Variants in WDR70 observed in about 807,000 individuals in gnomAD.
WDR70 encodes the protein WD repeat domain 70, also known as WD repeat-containing protein 70.
In WDR70, 53 loss-of-function variants were observed where a neutral mutation model predicts 88.6. That is an observed-to-expected ratio of 0.60 (90% CI 0.48 to 0.75). The LOEUF (loss-of-function observed/expected upper bound fraction) is 0.75, where lower values mean the gene tolerates loss of function less well. Ranked by LOEUF, WDR70 falls within the 30% of genes least tolerant of loss-of-function variation. The probability of loss-of-function intolerance (pLI) is 0.00; values close to 1 mark genes in which losing one functional copy is unlikely to be tolerated. For synonymous variants in WDR70, 280 were observed against 270.0 expected, an observed-to-expected ratio of 1.04 and a Z score of -0.36; for missense variants, 610 against 823.2, an observed-to-expected ratio of 0.74 and a Z score of 3.17.
At chr5:37,493,235 A>G (rs556968164) in intron 8 of WDR70, among the ~76,000 whole-genome samples, 1 of 152,312 alleles carries the variant, frequency 6.6e-6, no homozygotes, top group South Asian at 2.1e-4. Flanking sequence ...GAAGTCTGTC[A>G]CAATGTGGCT....
intron 7 of WDR70, among the ~76,000 whole-genome samples, chr5:37,471,108 G>T (rs554276212): frequency 1.3e-5 from 2 of 152,044 alleles, no homozygotes; most frequent in Middle Eastern, 3.2e-3. Context: ...TCTCAAACGC[G>T]TGAACTCAAG....
chr5:37,715,911 C>T (rs894546995), intron 13 of WDR70, among the ~76,000 whole-genome samples: 12 of 152,064 alleles, frequency 7.9e-5, no homozygotes, highest in African/African-American at 2.9e-4. Flanking sequence ...TCTGCACACA[C>T]AAACACACAC....
chr5:37,743,198 G>A (rs993213527), intron 17 of WDR70, among the ~76,000 whole-genome samples: 2 of 152,236 alleles, frequency 1.3e-5, no homozygotes, highest in African/African-American at 4.8e-5. Flanking sequence ...GCCACACGGG[G>A]AAGGGGAACC....
chr5:37,605,088 A>G lies in WDR70; in HGVS notation c.942A>G (p.Glu314=). 6.2e-7 allele frequency: 1 copy of G among 1,612,092 alleles called. No homozygotes were observed. The highest frequency in any genetic ancestry group is 8.5e-7 in the Non-Finnish European group (1 of 1,178,984). ...NDATVRTWEV[E]NPKKQKSVFK... is the part of the protein sequence containing the mutation. ...GGACTGTGAGGACGTGGGAAGTTGA[A>G]AATCCAAAGAAGCAAAAAAGTGTGT... Residue 314 remains glutamate (E), a synonymous_variant, in exon 10 of 18, where the codon GAA becomes GAG. Coordinates refer to ENST00000265107, the MANE Select transcript of WDR70 (RefSeq NM_018034.4).
intron 7 of WDR70, among the ~76,000 whole-genome samples, chr5:37,463,788 G>A (rs1318118932): frequency 6.6e-6 from 1 of 152,154 alleles, no homozygotes; most frequent in Non-Finnish European, 1.5e-5. Context: ...CCTTAGTACT[G>A]TGTCTAATGA....
chr5:37,640,359 A>AT (rs1207331438), intron 10 of WDR70, among the ~76,000 whole-genome samples: 4 of 152,014 alleles, frequency 2.6e-5, no homozygotes, highest in African/African-American at 7.2e-5. Context: ...GTGCTGATAC[A>AT]TTTTTTATTT....
At chr5:37,530,842 G>C (rs993299913) in intron 9 of WDR70, among the ~76,000 whole-genome samples, 2 of 149,392 alleles carry the variant, frequency 1.3e-5, no homozygotes, top group Non-Finnish European at 3.0e-5. Context: ...TCTTCTGCTG[G>C]GTTTGGATTG....
chr5:37,500,138 C>T (rs1295099210), intron 8 of WDR70, among the ~76,000 whole-genome samples: 22 of 152,094 alleles, frequency 1.4e-4, no homozygotes, highest in Admixed American at 1.4e-3. Context: ...ACTGTATATA[C>T]CTTTGTGTAC....
intron 9 of WDR70, among the ~76,000 whole-genome samples, chr5:37,598,140 A>G (rs919378203): frequency 2.0e-5 from 3 of 152,144 alleles, no homozygotes; most frequent in East Asian, 1.9e-4. Flanking sequence ...TCTGTTTGCT[A>G]TGTTTCCCAA....
intron 5 of WDR70, among the ~76,000 whole-genome samples, chr5:37,398,429 A>T (rs568555732): frequency 6.6e-6 from 1 of 152,324 alleles, no homozygotes; most frequent in South Asian, 2.1e-4. Context: ...TCTTTATGTG[A>T]TGAATTATTT....
intron 6 of WDR70, among the ~76,000 whole-genome samples, chr5:37,438,908 G>GTTTTTTTTTTT (rs5867350): frequency 6.8e-6 from 1 of 146,224 alleles, no homozygotes; most frequent in Non-Finnish European, 1.5e-5. Context: ...GTCCTCATTC[G>GTTTTTTTTTTT]TTTTTTTTTT....
intron 13 of WDR70, among the ~76,000 whole-genome samples, chr5:37,718,998 T>C (rs754375952): frequency 7.9e-5 from 12 of 152,178 alleles, no homozygotes; most frequent in Non-Finnish European, 1.5e-4. Context: ...CAGTTTTAAA[T>C]TGGGTGGTTT....
At chr5:37,518,288 G>A (rs1358643568) in intron 9 of WDR70, among the ~76,000 whole-genome samples, 3 of 151,830 alleles carry the variant, frequency 2.0e-5, no homozygotes, top group Admixed American at 6.6e-5. Context: ...TCAAATATTA[G>A]GCCTTATTCA....
At chr5:37,598,824 A>G (rs1743776437) in intron 9 of WDR70, among the ~76,000 whole-genome samples, 1 of 152,248 alleles carries the variant, frequency 6.6e-6, no homozygotes, top group South Asian at 2.1e-4. Context: ...AGATTTAAAA[A>G]TAGAATAAGG....
intron 3 of WDR70, among the ~76,000 whole-genome samples, chr5:37,389,294 GT>G (rs1345850965): frequency 0.086 from 12,129 of 140,534 alleles, 2,320 homozygotes; most frequent in African/African-American, 0.36. Context: ...GGTTTCACCT[GT>G]CGAGACCAGG....
In WDR70 at chr5:37,443,339, T is replaced by C. The variant is rs781688034; in HGVS notation, c.653T>C (p.Phe218Ser). The change falls in exon 7 of 18, where the codon TTT becomes TCT. Residue 218 changes from phenylalanine to serine, a missense_variant. Transcript: ENST00000265107. ...FWDFAGMDAS[F>S]KAFRSLQPCE... is the part of the protein sequence containing the mutation. ...GATTTTGCTGGAATGGATGCTTCTT[T>C]TAAGGCATTTCGATCCCTTCAGCCC... 1 of 1,614,010 alleles carries C rather than the reference T, an allele frequency of 6.2e-7. No individual in the cohort carries two copies. Among genetic ancestry groups the C allele is most frequent in the South Asian group, 1.1e-5 (1 of 91,074 alleles).
intron 9 of WDR70, among the ~76,000 whole-genome samples, chr5:37,524,810 A>G (rs1003022125): frequency 1.3e-5 from 2 of 152,232 alleles, no homozygotes; most frequent in Non-Finnish European, 2.9e-5. Context: ...ATGGAAAACA[A>G]AAAGGTAGGG....
intron 17 of WDR70, among the ~76,000 whole-genome samples, chr5:37,728,102 CT>C (rs2112708144): frequency 6.6e-6 from 1 of 152,070 alleles, no homozygotes; most frequent in Admixed American, 6.6e-5. Flanking sequence ...AATCCCGACA[CT>C]TTGGGTGGCC....
chr5:37,736,870 C>A (rs572575428), intron 17 of WDR70, among the ~76,000 whole-genome samples: 5 of 151,730 alleles, frequency 3.3e-5, no homozygotes, highest in African/African-American at 9.7e-5. Flanking sequence ...TTTAATAGTA[C>A]AAAAGTAATT....
Sources: allele counts gnomAD v4.1 joint callset (sites outside exome capture counted in the v4.1 genomes callset), GRCh38; gene constraint gnomAD v4.1.1; transcripts MANE v1.5; gene names NCBI Gene and HGNC (gene_info 2026-07-23, HGNC 2026-07-21).